KMT2D: variants seen among roughly 807,000 people sequenced by gnomAD.
KMT2D encodes lysine methyltransferase 2D.
Under a neutral mutation model 512.7 loss-of-function variants are expected in KMT2D, and 55 were observed. That is an observed-to-expected ratio of 0.11 (90% confidence interval 0.09 to 0.13). The LOEUF is 0.13. KMT2D is among the 10% of genes least tolerant of loss of function. The pLI is 1.00. For synonymous variants in KMT2D, 2,995 were observed against 2,904.0 expected (o/e 1.03, Z -1.01); for missense variants, 6,061 against 7,127.9 (o/e 0.85, Z 5.39).
In KMT2D at chr12:49,022,813, G is replaced by C. The variant is rs779587030; in HGVS notation, c.16115C>G (p.Thr5372Ser). The C allele has an allele frequency of 4.0e-5, 65 of 1,613,470 alleles. No homozygotes were observed. In the Admixed American group the frequency reaches 1.1e-3, roughly 27 times the overall value. ...AAACTGCTTGCTGTAGGGGGTGTTG[G>C]TCTCGCCTGTGAAGGTGCTCTGATA... is the stretch of plus-strand genomic sequence containing the variant. ...KAYQSTFTGETNTPYSKQFVH... is the reference protein window; with the variant it reads ...KAYQSTFTGESNTPYSKQFVH... The change falls in exon 52 of 55, where the codon ACC becomes AGC. Residue 5372 changes from threonine to serine, a missense_variant. By Grantham distance (58) the Thr-to-Ser change is moderately conservative (BLOSUM62 1). Coordinates refer to ENST00000301067, the MANE Select transcript of KMT2D (RefSeq NM_003482.4). The surrounding 1 kb of genome is among the most constrained non-coding windows in gnomAD (Gnocchi z 8.6).
rs1053550290 is a variant in KMT2D at position 49,050,308 on chromosome 12, G to A, written c.3280C>T (p.Leu1094Phe). The change falls in exon 12 of 55, where the codon CTC becomes TTC. Residue 1094 changes from leucine (L) to phenylalanine (F), a missense_variant. Transcript: ENST00000301067. The stretch of plus-strand genomic sequence containing the variant: ...GAAAGGTCCCCCATTGGGGAAGGGA[G>A]AGGACTGGTGGCACTGGGTTCCAAG... ...PALEPSATSPLPSPMGDLSCP... is the reference protein window; with the variant it reads ...PALEPSATSPFPSPMGDLSCP... 6.2e-6 allele frequency: 10 copies of A among 1,611,240 alleles called. No homozygotes were observed. In the Admixed American group the frequency reaches 1.0e-4, roughly 16 times the overall value.
Position 49,050,328 on chromosome 12 carries a change from T to C in KMT2D, c.3260A>G (p.Glu1087Gly), listed in dbSNP as rs1259212452. 8 of 1,611,214 alleles carry C rather than the reference T, an allele frequency of 5.0e-6. No individual in the cohort carries two copies. The part of the protein sequence containing the change: ...KVSEPECPAL[E>G]PSATSPLPSP... ...AGGGAGAGGACTGGTGGCACTGGGT[T>C]CCAAGGCTGGGCATTCAGGTTCTGA... Residue 1087 changes from glutamate to glycine, a missense_variant, in exon 12 of 55, where the codon GAA becomes GGA. By Grantham distance (98) the Glu-to-Gly change is moderately conservative. This residue lies in a region of KMT2D where 447 missense variants were observed against 500.1 expected (regional missense o/e 0.89). Transcript: ENST00000301067.
rs1268188754 is a variant in KMT2D, at chr12:49,044,872, C to T, written c.4835G>A (p.Arg1612His). ...NLTMSPLHKR[R>H]QRRGRLGLPG... Reference sequence around the variant, plus strand: ...GAGGCCAAGCCGTCCTCGCCGTTGGCGCCGCTTGTGCAGTGGTGACATGGT... The same window carrying T: ...GAGGCCAAGCCGTCCTCGCCGTTGGTGCCGCTTGTGCAGTGGTGACATGGT... The change falls in exon 20 of 55, where the codon CGC becomes CAC. Residue 1612 changes from arginine to histidine, a missense_variant. Arg to His is a conservative substitution (Grantham distance 29). Transcript: ENST00000301067. The surrounding 1 kb of genome is among the most constrained non-coding windows in gnomAD (Gnocchi z 6.4). 6 of 1,613,948 alleles carry T rather than the reference C, an allele frequency of 3.7e-6. No homozygotes were observed. The highest frequency in any genetic ancestry group is 4.2e-6 in the Non-Finnish European group (5 of 1,179,914).
In KMT2D at chr12:49,033,773, T is replaced by C; in HGVS notation, c.10932A>G (p.Pro3644=). 2 of 1,609,198 alleles carry C rather than the reference T, an allele frequency of 1.2e-6. No homozygotes were observed. Among genetic ancestry groups the C allele is most frequent in the Non-Finnish European group, 1.7e-6 (2 of 1,177,890 alleles). Reference sequence around the variant, plus strand: ...CGGCTTGCCCACCCGGAGGCCCCTGTGGTGGCTGCAGCCCATGGCCAGGGA... The same window carrying C: ...CGGCTTGCCCACCCGGAGGCCCCTGCGGTGGCTGCAGCCCATGGCCAGGGA... ...QLLPGHGLQP[P]QGPPGGQAGG... Residue 3644 remains proline, a synonymous_variant, in exon 40 of 55, where the codon CCA becomes CCG. Coordinates refer to ENST00000301067, the MANE Select transcript of KMT2D (RefSeq NM_003482.4).
Position 49,046,701 on chromosome 12 carries a change from C to G in KMT2D, c.4326G>C (p.Leu1442=), listed in dbSNP as rs749846413. 6.2e-7 allele frequency: 1 copy of G among 1,613,986 alleles called. No homozygotes were observed. Among genetic ancestry groups the G allele is most frequent in the Admixed American group, 1.7e-5 (1 of 60,020 alleles). The change falls in exon 16 of 55, where the codon CTG becomes CTC. Residue 1442 remains leucine (L), a synonymous_variant. Transcript: ENST00000301067. The surrounding 1 kb of genome is among the most constrained non-coding windows in gnomAD (Gnocchi z 4.2). ...VCGQASDPSR[L]LLCDDCDISY... ...TAATATCACAGTCATCACAGAGCAG[C>G]AGGCGTGAGGGGTCGGAGGCCTGGC...
rs201896284 is a variant in KMT2D, at chr12:49,051,447, G to A, written c.2236C>T (p.Arg746Trp). Residue 746 changes from arginine (R) to tryptophan (W), a missense_variant, in exon 11 of 55, where the codon CGG becomes TGG. Physicochemically the swap from Arg to Trp is moderately radical, Grantham distance 101. Around this residue, in one of 16 missense-constraint regions of KMT2D, gnomAD observed 848 missense variants for 838.5 expected, o/e 1.01. Transcript: ENST00000301067. ...GGGGACAGGTGCGGCTCCTCAGGCC[G>A]GGGTGACAGGTGCGGCCCCTCGGAC... is the stretch of plus-strand genomic sequence containing the variant. ...PRSEGPHLSP[R>W]PEEPHLSPRP... The A allele has an allele frequency of 6.0e-5, 96 of 1,612,820 alleles. No homozygotes were observed. The highest frequency in any genetic ancestry group is 1.6e-4 in the Middle Eastern group (1 of 6,072).
At chr12:49,029,341 A>G in intron 44 of KMT2D, 60 bp downstream of exon 44, 1 of 1,570,180 alleles carries the variant, frequency 6.4e-7, no homozygotes, top group Non-Finnish European at 8.7e-7. Flanking sequence ...GCCAAAGGAA[A>G]TATGAGGCAA....
At position 49,053,156 on chromosome 12, in the gene KMT2D, G is replaced by A; in HGVS notation, c.954+51C>T. 3 of 1,609,752 alleles carry A rather than the reference G, an allele frequency of 1.9e-6. No individual in the cohort carries two copies. In the South Asian group the frequency reaches 3.3e-5, roughly 18 times the overall value. ...TACACAACTTGTCAAGACAGAGAATGCTGTAGCAGACACAGTTAGGGACAA... is the reference window on the plus strand; with the variant it reads ...TACACAACTTGTCAAGACAGAGAATACTGTAGCAGACACAGTTAGGGACAA... On this transcript the variant is annotated intron_variant, in intron 8 of 54. Coordinates refer to ENST00000301067, the MANE Select transcript of KMT2D (RefSeq NM_003482.4).
At position 49,050,218 on chromosome 12, in the gene KMT2D, G is replaced by A. The variant is rs772239870; in HGVS notation, c.3370C>T (p.Pro1124Ser). Reference sequence around the variant, plus strand: ...CCCGGAGCATCAATCCCATCCAGAGGGGCTGTGTCTTCCCCTAGGCCAGAG... The same window carrying A: ...CCCGGAGCATCAATCCCATCCAGAGAGGCTGTGTCTTCCCCTAGGCCAGAG... ...DFSGLGEDTA[P>S]LDGIDAPGSQ... The change falls in exon 12 of 55, where the codon CCT becomes TCT. Residue 1124 changes from proline (P) to serine (S), a missense_variant. By Grantham distance (74) the Pro-to-Ser change is moderately conservative (BLOSUM62 -1). Around this residue, in one of 16 missense-constraint regions of KMT2D, gnomAD observed 447 missense variants for 500.1 expected, o/e 0.89. Transcript: ENST00000301067. 16 of 1,613,658 alleles carry A rather than the reference G, an allele frequency of 9.9e-6. No homozygotes were observed. The highest frequency in any genetic ancestry group is 1.3e-5 in the Non-Finnish European group (15 of 1,179,834).
intron 51 of KMT2D, 126 bp from the exon 52 acceptor site, chr12:49,023,001 T>TG (rs1942399469): frequency 8.6e-6 from 9 of 1,044,416 alleles, no homozygotes; most frequent in Non-Finnish European, 1.1e-5. Context: ...TGGCAAGCAC[T>TG]GGAAGTGCAG....
In KMT2D at chr12:49,049,816, G is replaced by A. The variant is rs1202299145; in HGVS notation, c.3772C>T (p.Arg1258Trp). Residue 1258 changes from arginine (R) to tryptophan (W), a missense_variant, in exon 12 of 55, where the codon CGG (arginine) becomes TGG (tryptophan). This residue lies in a region of KMT2D where 447 missense variants were observed against 500.1 expected (regional missense o/e 0.89). Transcript: ENST00000301067. Reference sequence around the variant, plus strand: ...TCTGGCAGTGAGTCAGTACAGAGCCGTAGGGAGCCCTCATCTCGGGCTGGA... The same window carrying A: ...TCTGGCAGTGAGTCAGTACAGAGCCATAGGGAGCCCTCATCTCGGGCTGGA... The part of the protein sequence containing the change: ...VSPARDEGSL[R>W]LCTDSLPETD... 9 of 1,613,962 alleles carry A rather than the reference G, an allele frequency of 5.6e-6. No individual in the cohort carries two copies. Among genetic ancestry groups the A allele is most frequent in the African/African-American group, 1.3e-5 (1 of 75,058 alleles).
intron 43 of KMT2D, among the ~76,000 whole-genome samples, 192 bp from the exon 44 acceptor site, chr12:49,029,668 G>GTTTTTTTTTTT (rs796401408): frequency 8.5e-6 from 1 of 117,438 alleles, no homozygotes. Context: ...GTTGTTTTTT[G>GTTTTTTTTTTT]TTTTTTTTGT....
chr12:49,049,636 C>G (rs2120637115), intron 12 of KMT2D, 46 bp downstream of exon 12: 1 of 1,520,502 alleles, frequency 6.6e-7, no homozygotes, highest in Non-Finnish European at 8.8e-7. Flanking sequence ...GTACCTCTGA[C>G]AGTGGGCTAA....
intron 36 of KMT2D, 73 bp from the exon 37 acceptor site, chr12:49,034,739 G>A (rs2120459011): frequency 6.2e-7 from 1 of 1,606,944 alleles, no homozygotes; most frequent in Non-Finnish European, 8.5e-7. Flanking sequence ...CGTGGGACAA[G>A]TAGGGAGGGG....
intron 49 of KMT2D, among the ~76,000 whole-genome samples, chr12:49,025,348 T>C (rs1484948203): frequency 6.6e-6 from 1 of 152,202 alleles, no homozygotes; most frequent in East Asian, 1.9e-4. Context: ...TATACAACAG[T>C]GGTCTGGTAA....
Position 49,020,993 on chromosome 12 carries a change from T to C in KMT2D, c.*787A>G, listed in dbSNP as rs1298713778. On this transcript the variant is annotated 3_prime_UTR_variant, in exon 55 of 55. Coordinates refer to ENST00000301067, the MANE Select transcript of KMT2D (RefSeq NM_003482.4). ...GTTTTTCTTCCTCCTCCTACCCCCC[T>C]TCCACCCACTCAGAAGAGGGCAGTG... The C allele has an allele frequency of 5.2e-6, 1 of 194,124 alleles. No homozygotes were observed. Among genetic ancestry groups the C allele is most frequent in the South Asian group, 1.9e-4 (1 of 5,182 alleles). The allele number at this position is 194,124 out of a possible 1,614,324, so 12.0% of individuals were successfully genotyped here. A position where few individuals can be genotyped will look rare whatever the true frequency, so the allele number is the denominator to read the frequency against.
rs192501095 is a variant in KMT2D at position 49,054,800 on chromosome 12, T to G, written c.177-49A>C. The stretch of plus-strand genomic sequence containing the variant: ...CCACGCCAGGCCCCCAGCAACCCCA[T>G]GATCTGGCATGCCCATGCTTCCCCA... On this transcript the variant is annotated intron_variant, in intron 3 of 54. Coordinates refer to ENST00000301067, the MANE Select transcript of KMT2D (RefSeq NM_003482.4). This position sits in a 1 kb window ranked among gnomAD's most constrained non-coding sequence, Gnocchi z 6.4. 90 of 1,605,892 alleles carry G rather than the reference T, an allele frequency of 5.6e-5. No homozygotes were observed. The African/African-American group carries it at 1.0e-3, about 18-fold the overall frequency.
rs1938061880 is a variant in KMT2D at position 49,051,821 on chromosome 12, G to T, written c.1862C>A (p.Pro621His). ...PPEESPLSPP[P>H]EASRLSPPPE... ...TGGTGGGGACAGGCGTGATGCCTCA[G>T]GTGGTGGGGAAAGGGGAGACTCCTC... is the stretch of plus-strand genomic sequence containing the variant. Residue 621 changes from proline (P) to histidine (H), a missense_variant, in exon 11 of 55, where the codon CCT becomes CAT. Physicochemically the swap from Pro to His is moderately conservative, Grantham distance 77. Coordinates refer to ENST00000301067, the MANE Select transcript of KMT2D (RefSeq NM_003482.4). 1 of 1,613,170 alleles carries T rather than the reference G, an allele frequency of 6.2e-7. No individual in the cohort carries two copies. The highest frequency in any genetic ancestry group is 1.1e-5 in the South Asian group (1 of 91,064).
chr12:49,051,450 G>A lies in KMT2D; in HGVS notation c.2233C>T (p.Pro745Ser). The change falls in exon 11 of 55, where the codon CCC becomes TCC. Residue 745 changes from proline (P) to serine (S), a missense_variant. Pro to Ser is a moderately conservative substitution (Grantham distance 74). Transcript: ENST00000301067. ...CPRSEGPHLS[P>S]RPEEPHLSPR... ...GACAGGTGCGGCTCCTCAGGCCGGG[G>A]TGACAGGTGCGGCCCCTCGGACCGG... 6.2e-7 allele frequency: 1 copy of A among 1,613,186 alleles called. No individual in the cohort carries two copies.
Sources: allele counts gnomAD v4.1 joint callset (sites outside exome capture counted in the v4.1 genomes callset), GRCh38; gene constraint gnomAD v4.1.1; regional missense constraint gnomAD v4.1.1; non-coding constraint Gnocchi (gnomAD v3.1); transcripts MANE v1.5; gene names NCBI Gene and HGNC (gene_info 2026-07-23, HGNC 2026-07-21).